The following RNF150 variants were observed in gnomAD, a reference collection of about 807,000 sequenced individuals.
RNF150 encodes the protein ring finger protein 150.
A neutral mutation model predicts 39.3 loss-of-function variants in RNF150; 24 were observed. The observed-to-expected ratio is 0.61, with a 90% CI of 0.44 to 0.86. The LOEUF is 0.86. Among genes scored for constraint, RNF150 ranks in the 40% least tolerant of loss-of-function variants. RNF150 has a pLI of 0.00. For missense variants in RNF150, 502 were observed against 587.8 expected, an observed-to-expected ratio of 0.85 and a Z score of 1.51; for synonymous variants, 255 against 227.3, an observed-to-expected ratio of 1.12 and a Z score of -1.10.
At chr4:140,956,274 G>A (rs1391774058) in intron 2 of RNF150, among the ~76,000 whole-genome samples, 4 of 152,166 alleles carry the variant, frequency 2.6e-5, no homozygotes, top group Admixed American at 6.5e-5. Context: ...CTTGCTGTTT[G>A]CCTTGCCATC....
chr4:140,896,817 A>G (rs568723069), intron 6 of RNF150, among the ~76,000 whole-genome samples: 6 of 152,046 alleles, frequency 3.9e-5, no homozygotes, highest in African/African-American at 1.4e-4. Context: ...AAAATGTAAG[A>G]GAATGCCTGC....
chr4:141,162,250 T>C (rs1008032707), intron 1 of RNF150, among the ~76,000 whole-genome samples: 30 of 152,250 alleles, frequency 2.0e-4, no homozygotes, highest in African/African-American at 7.0e-4. Context: ...TCAAAGGAGA[T>C]TATTTTGGAT....
chr4:141,170,495 C>A (rs987976439), intron 1 of RNF150, among the ~76,000 whole-genome samples: 1 of 152,058 alleles, frequency 6.6e-6, no homozygotes, highest in African/African-American at 2.4e-5. Context: ...ATTGTTATTT[C>A]TATTATTGTG....
chr4:140,871,686 A>G (rs1184418134), intron 6 of RNF150, among the ~76,000 whole-genome samples: 2 of 152,360 alleles, frequency 1.3e-5, no homozygotes, highest in East Asian at 3.9e-4. Flanking sequence ...TTACAGTTCT[A>G]TAGAGACAGA....
chr4:140,981,272 C>T (rs978055241), intron 1 of RNF150, among the ~76,000 whole-genome samples: 1 of 152,090 alleles, frequency 6.6e-6, no homozygotes, highest in Non-Finnish European at 1.5e-5. Flanking sequence ...GAAAGATTTG[C>T]ATATACATAA....
chr4:140,982,618 C>G (rs1560998947), intron 1 of RNF150, among the ~76,000 whole-genome samples: 2 of 150,844 alleles, frequency 1.3e-5, no homozygotes, highest in Non-Finnish European at 2.9e-5. Flanking sequence ...TCCAGCTTCT[C>G]TGTAGTGAGC....
chr4:141,123,594 C>A (rs1439418342), intron 1 of RNF150, among the ~76,000 whole-genome samples: 2 of 152,122 alleles, frequency 1.3e-5, no homozygotes, highest in African/African-American at 4.8e-5. Context: ...GGTACATGTG[C>A]ACAACGTACA....
At chr4:140,883,655 T>C (rs538188102) in intron 6 of RNF150, among the ~76,000 whole-genome samples, 1 of 152,338 alleles carries the variant, frequency 6.6e-6, no homozygotes, top group Non-Finnish European at 1.5e-5. Context: ...GATAATCATA[T>C]GTAAGCTCCC....
In RNF150 at chr4:140,892,896, T is replaced by TA. The variant is rs1003210033; in HGVS notation, c.1198+18247dup. ...GGCAACATAGTGAGACCCCATCTCT[T>TA]AAAAAAAAAATAAGCTAAAAGATTA... is the stretch of plus-strand genomic sequence containing the variant. On this transcript the variant is annotated intron_variant, in intron 6 of 6. Transcript: ENST00000515673. Among the ~76,000 whole-genome samples, 25 of 95,658 alleles carry TA rather than the reference T, an allele frequency of 2.6e-4. 1 individual carries two copies. The highest frequency in any genetic ancestry group is 1.6e-3 in the South Asian group (5 of 3,106). The allele number at this position is 95,658 out of a possible 152,430, so 62.8% of individuals were successfully genotyped here. A position where few individuals can be genotyped will look rare whatever the true frequency, so the allele number is the denominator to read the frequency against.
intron 1 of RNF150, among the ~76,000 whole-genome samples, chr4:141,044,678 G>A (rs1227511439): frequency 2.0e-5 from 3 of 151,976 alleles, no homozygotes; most frequent in Non-Finnish European, 4.4e-5. Context: ...CAGAAGCCAG[G>A]TACCCCCTCA....
chr4:141,010,773 C>A (rs1358503142), intron 1 of RNF150, among the ~76,000 whole-genome samples: 1 of 152,124 alleles, frequency 6.6e-6, no homozygotes, highest in African/African-American at 2.4e-5. Context: ...ATGGCTCACC[C>A]TCCAGAAGAT....
At chr4:140,989,134 G>C (rs1408572050) in intron 1 of RNF150, among the ~76,000 whole-genome samples, 1 of 152,142 alleles carries the variant, frequency 6.6e-6, no homozygotes, top group African/African-American at 2.4e-5. Flanking sequence ...GTGACTGTAA[G>C]GTCTGTGGTA....
At chr4:141,045,920 A>G (rs1736557665) in intron 1 of RNF150, among the ~76,000 whole-genome samples, 1 of 152,200 alleles carries the variant, frequency 6.6e-6, no homozygotes, top group African/African-American at 2.4e-5. Context: ...TTAACTTTAC[A>G]TATCAATATG....
At chr4:140,880,125 G>C (rs1203949340) in intron 6 of RNF150, among the ~76,000 whole-genome samples, 2 of 152,038 alleles carry the variant, frequency 1.3e-5, no homozygotes, top group Non-Finnish European at 2.9e-5. Flanking sequence ...AATGATGTTA[G>C]CTATAGACTT....
rs561123038 is a variant in RNF150, at chr4:141,125,869, A to C, written c.484+6456T>G. The stretch of plus-strand genomic sequence containing the variant: ...ATTCTTATTAAAGATTAGAAGACAG[A>C]AGGTAAGTTTCCTTCCCAATCCTCT... On this transcript the variant is annotated intron_variant, in intron 1 of 6. Transcript: ENST00000515673. Among the ~76,000 whole-genome samples, 5 of 152,302 alleles carry C rather than the reference A, an allele frequency of 3.3e-5. 1 individual carries two copies. In the East Asian group the frequency reaches 9.6e-4, roughly 29 times the overall value.
chr4:140,961,367 G>A (rs1313784898), intron 2 of RNF150, among the ~76,000 whole-genome samples: 1 of 152,100 alleles, frequency 6.6e-6, no homozygotes, highest in Non-Finnish European at 1.5e-5. Context: ...CAGAGACTGA[G>A]GTGCTCATCT....
chr4:140,905,480 A>G (rs1730338035), intron 6 of RNF150, among the ~76,000 whole-genome samples: 2 of 152,156 alleles, frequency 1.3e-5, no homozygotes, highest in Non-Finnish European at 2.9e-5. Context: ...AATGAAATGT[A>G]TAAAGGGGAA....
At chr4:141,168,534 G>A (rs186483247) in intron 1 of RNF150, among the ~76,000 whole-genome samples, 1,809 of 152,202 alleles carry the variant, frequency 0.012, 24 homozygotes, top group Middle Eastern at 0.024. Flanking sequence ...GCAAAGACTC[G>A]GAACCAACCC....
intron 2 of RNF150, among the ~76,000 whole-genome samples, chr4:140,962,198 T>C (rs1464252672): frequency 2.0e-5 from 3 of 151,842 alleles, no homozygotes; most frequent in Admixed American, 6.6e-5. Flanking sequence ...TATACTGTTT[T>C]CTAAGAAGAG....
Sources: gnomAD v4.1 joint callset for allele counts (sites outside exome capture counted in the v4.1 genomes callset) on GRCh38, gnomAD v4.1.1 for gene constraint, MANE v1.5 for transcripts, NCBI Gene and HGNC (gene_info 2026-07-23, HGNC 2026-07-21) for gene names.